Variants in STMN2 observed in about 807,000 individuals in gnomAD.
The protein encoded by STMN2 is stathmin 2, also known as stathmin-2.
In STMN2, 2 loss-of-function variants were observed where a neutral mutation model predicts 24.1. The ratio of observed to expected loss-of-function variants is 0.08; its 90% CI spans 0.03 to 0.26. STMN2 has a LOEUF of 0.26. Ranked by LOEUF, STMN2 falls within the 10% of genes least tolerant of loss-of-function variation. STMN2 has a pLI of 1.00. For synonymous variants in STMN2, 83 were observed against 77.5 expected (o/e 1.07, Z -0.37); for missense variants, 114 against 213.6 (o/e 0.53, Z 2.91).
At position 79,665,687 on chromosome 8, in the gene STMN2, T is replaced by G. The variant is rs903963364; in HGVS notation, c.*813T>G. ...TTTAAGTTCTTTTGATGGAATGAAT[T>G]AATTAATGTGTCAGGTGGCTTATTT... On this transcript the variant is annotated 3_prime_UTR_variant, in exon 5 of 5. Coordinates refer to ENST00000220876, the MANE Select transcript of STMN2 (RefSeq NM_007029.4). 1.3e-5 allele frequency: 2 copies of G among 154,426 alleles called. No individual in the cohort carries two copies. Among genetic ancestry groups the G allele is most frequent in the African/African-American group, 4.8e-5 (2 of 41,526 alleles). The allele number at this position is 154,426 out of a possible 1,614,324, so 9.6% of individuals were successfully genotyped here.
At chr8:79,616,130 T>C (rs1012010539) in intron 1 of STMN2, among the ~76,000 whole-genome samples, 3 of 152,210 alleles carry the variant, frequency 2.0e-5, no homozygotes, top group Non-Finnish European at 4.4e-5. Context: ...TATGTGATAC[T>C]GAGGAGGTGT....
At chr8:79,639,700 T>A (rs1348684222) in intron 2 of STMN2, among the ~76,000 whole-genome samples, 1 of 152,234 alleles carries the variant, frequency 6.6e-6, no homozygotes, top group Non-Finnish European at 1.5e-5. Flanking sequence ...TCAGTTCTTT[T>A]TTTAATTGAC....
intron 4 of STMN2, among the ~76,000 whole-genome samples, chr8:79,659,715 G>A (rs1285878400): frequency 6.6e-6 from 1 of 152,168 alleles, no homozygotes; most frequent in African/African-American, 2.4e-5. Flanking sequence ...ATCTTTCGAT[G>A]TAGTTGGGCC....
intron 3 of STMN2, among the ~76,000 whole-genome samples, chr8:79,643,274 A>C (rs1810151863): frequency 6.6e-6 from 1 of 150,700 alleles, no homozygotes; most frequent in African/African-American, 2.4e-5. Context: ...AAACATTTTT[A>C]TCAGCTTTTT....
At chr8:79,650,148 C>T (rs188624037) in intron 3 of STMN2, among the ~76,000 whole-genome samples, 109 of 152,274 alleles carry the variant, frequency 7.2e-4, no homozygotes, top group Middle Eastern at 6.8e-3. Context: ...CATTGTCTTG[C>T]CCTAATTTTC....
At chr8:79,639,928 G>A (rs772162713) in intron 2 of STMN2, among the ~76,000 whole-genome samples, 2 of 152,184 alleles carry the variant, frequency 1.3e-5, no homozygotes, top group African/African-American at 2.4e-5. Context: ...GCGGCCGGGC[G>A]TGGTGGCTCA....
Position 79,617,486 on chromosome 8 carries a change from T to G in STMN2, c.19+6272T>G, listed in dbSNP as rs113847758. Among the ~76,000 whole-genome samples the G allele has an allele frequency of 8.4e-3, 1,278 of 152,342 alleles. 20 individuals carry two copies. Among genetic ancestry groups the G allele is most frequent in the Non-Finnish European group, 0.013 (856 of 68,024 alleles). On this transcript the variant is annotated intron_variant, in intron 1 of 4. Transcript: ENST00000220876. ...TTACTCAACACAAAGTTGGACTAAG[T>G]CTCAAAGTTAGCCATTCAGTTGTTG...
intron 1 of STMN2, among the ~76,000 whole-genome samples, chr8:79,621,221 T>C (rs1309639267): frequency 6.6e-6 from 1 of 152,232 alleles, no homozygotes; most frequent in Non-Finnish European, 1.5e-5. Flanking sequence ...AATAGCCATG[T>C]GAACTGCCTT....
chr8:79,645,471 A>C (rs1332367684), intron 3 of STMN2, among the ~76,000 whole-genome samples: 1 of 152,222 alleles, frequency 6.6e-6, no homozygotes, highest in Non-Finnish European at 1.5e-5. Context: ...CGGATATTAA[A>C]ACAGAAAACA....
intron 3 of STMN2, 74 bp downstream of exon 3, chr8:79,641,624 G>GCACTCACACA: frequency 6.3e-6 from 3 of 476,316 alleles, no homozygotes; most frequent in Non-Finnish European, 1.0e-5. Flanking sequence ...GGGCACACAT[G>GCACTCACACA]CACGCACACA....
chr8:79,632,306 C>T (rs1809821884), intron 1 of STMN2, among the ~76,000 whole-genome samples: 1 of 152,156 alleles, frequency 6.6e-6, no homozygotes, highest in African/African-American at 2.4e-5. Flanking sequence ...AAACCAAGGG[C>T]AAGAGACATC....
At chr8:79,613,362 G>C (rs368278091) in intron 1 of STMN2, 5 of 984,668 alleles carry the variant, frequency 5.1e-6, no homozygotes. Context: ...AGAGCCCCGC[G>C]CCGCGCCCTG....
At chr8:79,613,408 G>T in intron 1 of STMN2, 2 of 985,452 alleles carry the variant, frequency 2.0e-6, no homozygotes, top group Non-Finnish European at 2.4e-6. Flanking sequence ...TCGCCCCCGC[G>T]GTGCAGCCGG....
At chr8:79,634,940 T>A (rs1348141506) in intron 1 of STMN2, among the ~76,000 whole-genome samples, 1 of 152,228 alleles carries the variant, frequency 6.6e-6, no homozygotes, top group Non-Finnish European at 1.5e-5. Flanking sequence ...CTGGGAGGTC[T>A]ATATTTTATT....
chr8:79,622,480 A>C (rs2130308298), intron 1 of STMN2, among the ~76,000 whole-genome samples: 1 of 152,340 alleles, frequency 6.6e-6, no homozygotes, highest in South Asian at 2.1e-4. Context: ...TGGTAGAGGG[A>C]GAGTTGGTAT....
rs1273542212 is a variant in STMN2 at position 79,646,516 on chromosome 8, C to T, written c.288+4966C>T. On this transcript the variant is annotated intron_variant, in intron 3 of 4. Transcript: ENST00000220876. ...GCACAAAGGTAGCAAGGGAGTAGGG[C>T]GGGCAGCTCTTCTCTGGGACCTGAA... is the stretch of plus-strand genomic sequence containing the variant. Among the ~76,000 whole-genome samples the T allele has an allele frequency of 4.6e-5, 7 of 151,894 alleles. No individual in the cohort carries two copies. The East Asian group carries it at 5.8e-4, about 13-fold the overall frequency.
intron 1 of STMN2, among the ~76,000 whole-genome samples, chr8:79,628,535 A>G (rs774546448): frequency 2.6e-5 from 4 of 152,180 alleles, no homozygotes; most frequent in African/African-American, 9.7e-5. Context: ...CCAGCAGTGC[A>G]CAAGGATTGC....
intron 1 of STMN2, among the ~76,000 whole-genome samples, chr8:79,621,409 G>A (rs977029920): frequency 7.9e-5 from 12 of 152,168 alleles, no homozygotes; most frequent in Admixed American, 3.3e-4. Flanking sequence ...CAAAAACTGC[G>A]TCATTTGCTT....
intron 1 of STMN2, among the ~76,000 whole-genome samples, chr8:79,629,995 C>A (rs535841765): frequency 1.6e-3 from 249 of 152,278 alleles, no homozygotes; most frequent in African/African-American, 5.4e-3. Flanking sequence ...ATGCTCTGAA[C>A]TTTTAATTCC....
Sources: gnomAD v4.1 joint callset for allele counts (sites outside exome capture counted in the v4.1 genomes callset) on GRCh38, gnomAD v4.1.1 for gene constraint, MANE v1.5 for transcripts, NCBI Gene and HGNC (gene_info 2026-07-23, HGNC 2026-07-21) for gene names.